The following ROBO1 variants were observed in gnomAD, a reference collection of about 807,000 sequenced individuals.
ROBO1 encodes the protein roundabout homolog 1.
Under a neutral mutation model 195.9 loss-of-function variants are expected in ROBO1, and 149 were observed. That is an observed-to-expected ratio of 0.76 (90% CI 0.67 to 0.87). The LOEUF (loss-of-function observed/expected upper bound fraction) is 0.87. ROBO1 is among the 40% of genes least tolerant of loss of function. The probability of loss-of-function intolerance (pLI) is 0.00; values close to 1 mark genes in which losing one functional copy is unlikely to be tolerated. For synonymous variants in ROBO1, 816 were observed against 733.2 expected, an observed-to-expected ratio of 1.11 and a Z score of -1.82; for missense variants, 1,933 against 2,068.3, an observed-to-expected ratio of 0.93 and a Z score of 1.27.
rs11345487 is a variant in ROBO1 at position 79,006,757 on chromosome 3, G to GA, written c.173-67831dup. On this transcript the variant is annotated intron_variant, in intron 3 of 30. Transcript: ENST00000464233. The stretch of plus-strand genomic sequence containing the variant: ...AGTTTTCAACCCTTACAAAATATCG[G>GA]AAAAAAAAAAAAAAAAAAACAGACT... 7.2e-3 allele frequency among the ~76,000 whole-genome samples: 833 copies of GA among 115,212 alleles called. 14 individuals carry two copies. The highest frequency in any genetic ancestry group is 0.024 in the African/African-American group (763 of 31,692). The allele number at this position is 115,212 out of a possible 152,430, so 75.6% of individuals were successfully genotyped here.
At chr3:79,703,492 C>A (rs1236246549) in intron 1 of ROBO1, among the ~76,000 whole-genome samples, 2 of 151,452 alleles carry the variant, frequency 1.3e-5, no homozygotes, top group South Asian at 4.2e-4. Flanking sequence ...AAAGAGTGTT[C>A]CTGGAAAAAA....
chr3:79,282,382 T>C (rs1179483778), intron 2 of ROBO1, among the ~76,000 whole-genome samples: 4 of 152,194 alleles, frequency 2.6e-5, no homozygotes, highest in African/African-American at 9.6e-5. Context: ...CAGTGACTGA[T>C]CTAAGAGAAT....
chr3:79,394,035 C>T (rs2037049338), intron 2 of ROBO1, among the ~76,000 whole-genome samples: 1 of 152,144 alleles, frequency 6.6e-6, no homozygotes, highest in Non-Finnish European at 1.5e-5. Context: ...ATTTAGCTTT[C>T]CCTTAGTATC....
intron 2 of ROBO1, among the ~76,000 whole-genome samples, chr3:79,189,482 G>A (rs2081500522): frequency 6.6e-6 from 1 of 151,674 alleles, no homozygotes. Context: ...AGGTGAGGGG[G>A]ATGTGTATCT....
At chr3:79,476,806 T>A (rs1056821894) in intron 2 of ROBO1, among the ~76,000 whole-genome samples, 2 of 151,950 alleles carry the variant, frequency 1.3e-5, no homozygotes, top group Admixed American at 1.3e-4. Context: ...ACACACTGGG[T>A]AAGGGGTACA....
At chr3:79,639,481 C>G (rs1945593033) in intron 1 of ROBO1, among the ~76,000 whole-genome samples, 1 of 151,912 alleles carries the variant, frequency 6.6e-6, no homozygotes. Flanking sequence ...CTAAATACAA[C>G]CAGGTTGGAA....
intron 4 of ROBO1, among the ~76,000 whole-genome samples, chr3:78,915,829 A>C (rs2038529432): frequency 6.6e-6 from 1 of 152,056 alleles, no homozygotes; most frequent in Admixed American, 6.6e-5. Context: ...CTAATTTTTA[A>C]AAAATGTTTA....
At chr3:79,574,293 TTACA>T (rs1165955747) in intron 2 of ROBO1, among the ~76,000 whole-genome samples, 1 of 152,036 alleles carries the variant, frequency 6.6e-6, no homozygotes, top group Non-Finnish European at 1.5e-5. Context: ...GATCACGCGT[TTACA>T]TACATTCTAC....
At chr3:79,137,790 C>T (rs1244224104) in intron 2 of ROBO1, among the ~76,000 whole-genome samples, 1 of 151,984 alleles carries the variant, frequency 6.6e-6, no homozygotes, top group African/African-American at 2.4e-5. Flanking sequence ...ACACCATGAC[C>T]TCCTTTTATT....
chr3:79,157,479 A>AT (rs1036840925), intron 2 of ROBO1, among the ~76,000 whole-genome samples: 3 of 151,892 alleles, frequency 2.0e-5, no homozygotes, highest in African/African-American at 7.2e-5. Flanking sequence ...AAGGAAAAAA[A>AT]CACAAACACC....
At chr3:78,683,395 G>A (rs993428412) in intron 10 of ROBO1, among the ~76,000 whole-genome samples, 13 of 151,960 alleles carry the variant, frequency 8.6e-5, no homozygotes, top group South Asian at 2.1e-4. Flanking sequence ...GAGTGGGTGT[G>A]TACATGTGAA....
At chr3:79,165,470 T>C (rs920948509) in intron 2 of ROBO1, among the ~76,000 whole-genome samples, 1 of 152,204 alleles carries the variant, frequency 6.6e-6, no homozygotes, top group Admixed American at 6.5e-5. Context: ...TTCCATTATT[T>C]GTCAGAAGGA....
At chr3:79,445,026 C>T (rs1167086591) in intron 2 of ROBO1, among the ~76,000 whole-genome samples, 52 of 151,660 alleles carry the variant, frequency 3.4e-4, no homozygotes, top group Admixed American at 3.3e-3. Flanking sequence ...GAAGTTGGAT[C>T]CTAAATCACT....
intron 2 of ROBO1, among the ~76,000 whole-genome samples, chr3:79,445,617 C>G (rs969971290): frequency 1.3e-5 from 2 of 151,096 alleles, no homozygotes; most frequent in African/African-American, 4.9e-5. Context: ...CTATCTCACC[C>G]TCCCGAGTAG....
chr3:79,455,373 G>A (rs546144109), intron 2 of ROBO1, among the ~76,000 whole-genome samples: 3 of 152,068 alleles, frequency 2.0e-5, no homozygotes, highest in South Asian at 2.1e-4. Flanking sequence ...TTTTTTATAG[G>A]ACAAGAAATT....
intron 3 of ROBO1, among the ~76,000 whole-genome samples, chr3:79,098,507 C>A (rs942554007): frequency 3.3e-5 from 5 of 151,606 alleles, no homozygotes; most frequent in Non-Finnish European, 7.4e-5. Context: ...AGATTATTTA[C>A]CCTTAAAGCA....
intron 1 of ROBO1, among the ~76,000 whole-genome samples, chr3:79,663,204 T>C (rs867248749): frequency 1.3e-5 from 2 of 152,092 alleles, no homozygotes; most frequent in Non-Finnish European, 2.9e-5. Context: ...ATCACTCTGA[T>C]AACTATTGCA....
Position 79,193,908 on chromosome 3 carries a change from A to G in ROBO1, c.89-68369T>C, listed in dbSNP as rs2081586212. ...GAAACCAAGAGAAAAGAGCTTCAAAAGAGAAAAAGAGGTCAAATGTGTACA... is the reference window on the plus strand; with the variant it reads ...GAAACCAAGAGAAAAGAGCTTCAAAGGAGAAAAAGAGGTCAAATGTGTACA... On this transcript the variant is annotated intron_variant, in intron 2 of 30. Transcript: ENST00000464233. Among the ~76,000 whole-genome samples, 3 of 151,764 alleles carry G rather than the reference A, an allele frequency of 2.0e-5. No individual in the cohort carries two copies. The South Asian group carries it at 6.2e-4, about 31-fold the overall frequency.
intron 1 of ROBO1, among the ~76,000 whole-genome samples, chr3:79,765,481 C>T (rs1253798155): frequency 1.3e-5 from 2 of 152,116 alleles, no homozygotes; most frequent in Non-Finnish European, 2.9e-5. Context: ...ATGATGCATG[C>T]TTACAGATTG....
Sources: allele counts gnomAD v4.1 joint callset (sites outside exome capture counted in the v4.1 genomes callset), GRCh38; gene constraint gnomAD v4.1.1; transcripts MANE v1.5; gene names NCBI Gene and HGNC (gene_info 2026-07-23, HGNC 2026-07-21).